Variants in KRTCAP3 observed in about 807,000 individuals in gnomAD.
KRTCAP3 encodes the protein keratinocyte-associated protein 3.
KRTCAP3 carries 18 observed loss-of-function variants against 20.5 expected under a neutral mutation model. The observed-to-expected ratio is 0.88, with a 90% CI of 0.61 to 1.31. The LOEUF (loss-of-function observed/expected upper bound fraction) is 1.31. Ranked by LOEUF, KRTCAP3 falls within the 50% of genes most tolerant of loss-of-function variation. The probability of loss-of-function intolerance (pLI) is 0.00; values close to 1 mark genes in which losing one functional copy is unlikely to be tolerated. For synonymous variants in KRTCAP3, 167 were observed against 133.7 expected (o/e 1.25, Z -1.72); for missense variants, 347 against 310.4 (o/e 1.12, Z -0.89).
rs1489940936 is a variant in KRTCAP3, at chr2:27,443,469, C to A, written c.552C>A (p.Cys184Ter). 6.2e-7 allele frequency: 1 copy of A among 1,614,078 alleles called. No individual in the cohort carries two copies. The highest frequency in any genetic ancestry group is 8.5e-7 in the Non-Finnish European group (1 of 1,179,950). Residue 184 changes from cysteine (C) to a stop codon, truncating the protein, a stop_gained, in exon 5 of 7, where the codon TGC becomes TGA. Coordinates refer to ENST00000288873, the MANE Select transcript of KRTCAP3 (RefSeq NM_173853.4). LOFTEE classifies it high-confidence loss of function. ...GGGAGGCTGCTCTATCTGGTTACTG[C>A]TGTGTGGCTGCACTCACTCTACGTG... ...SAGEAALSGYCCVAALTLRGV... is the reference protein window; with the variant it reads ...SAGEAALSGY
At chr2:27,445,723 T>A, downstream of KRTCAP3, 2 of 1,613,866 alleles carry the variant, frequency 1.2e-6, no homozygotes, top group Non-Finnish European at 1.7e-6. The surrounding 1 kb of genome is among the most constrained non-coding windows in gnomAD (Gnocchi z 4.4). Flanking sequence ...GGCCTTCCGG[T>A]TTTCCAACCC....
chr2:27,445,536 G>C (rs1033883604), downstream of KRTCAP3: 15 of 1,446,578 alleles, frequency 1.0e-5, no homozygotes, highest in African/African-American at 1.8e-4. This position sits in a 1 kb window ranked among gnomAD's most constrained non-coding sequence, Gnocchi z 4.4. Context: ...GGTTTGCTAA[G>C]CCCTCATCCT....
downstream of KRTCAP3, chr2:27,445,817 G>A (rs1377269135): frequency 1.2e-6 from 2 of 1,614,126 alleles, no homozygotes; most frequent in Admixed American, 3.3e-5. The surrounding 1 kb of genome is among the most constrained non-coding windows in gnomAD (Gnocchi z 4.4). Flanking sequence ...AGTGGTCAAG[G>A]CCATCTAGAG....
chr2:27,442,904 G>A lies in KRTCAP3; in HGVS notation c.273+3G>A, dbSNP rs777608994. On this transcript the variant is annotated splice_donor_region_variant and intron_variant, in intron 3 of 6. Transcript: ENST00000288873. Reference sequence around the variant, plus strand: ...GGAACCTTCTTCGCCCTCCACTGGTGAGAGGGACTTCCCTGGAGCTTTTAA... The same window carrying A: ...GGAACCTTCTTCGCCCTCCACTGGTAAGAGGGACTTCCCTGGAGCTTTTAA... The A allele has an allele frequency of 4.3e-6, 7 of 1,613,052 alleles. No individual in the cohort carries two copies. The highest frequency in any genetic ancestry group is 1.6e-4 in the Middle Eastern group (1 of 6,084).
rs1229445291 is a variant in KRTCAP3, at chr2:27,444,041, G to C, written c.708G>C (p.Gln236His). The part of the protein sequence containing the change: ...LDQNQEIRAS[Q>H]RSWV The stretch of plus-strand genomic sequence containing the variant: ...AAAATCAAGAAATCCGGGCATCACA[G>C]AGAAGTTGGGTTTAGGACAGGTAAT... The change falls in exon 6 of 7, where the codon CAG becomes CAC. Residue 236 changes from glutamine (Q) to histidine (H), a missense_variant. Transcript: ENST00000288873. 26 of 1,612,146 alleles carry C rather than the reference G, an allele frequency of 1.6e-5. No individual in the cohort carries two copies. Among genetic ancestry groups the C allele is most frequent in the Non-Finnish European group, 2.1e-5 (25 of 1,178,288 alleles).
chr2:27,446,229 A>G (rs369307448), downstream of KRTCAP3: 6 of 1,602,960 alleles, frequency 3.7e-6, no homozygotes, highest in Non-Finnish European at 2.6e-6. Flanking sequence ...ACTTCCTCCT[A>G]TCTGCCCCAC....
At chr2:27,443,812 G>T (rs1664771968) in intron 5 of KRTCAP3, 137 bp from the exon 6 acceptor site, 1 of 648,156 alleles carries the variant, frequency 1.5e-6, no homozygotes, top group South Asian at 1.9e-5. Flanking sequence ...GAAGGCGGAG[G>T]TTGCAGTGAA....
At chr2:27,444,317 G>T, downstream of KRTCAP3, 1 of 684,168 alleles carries the variant, frequency 1.5e-6, no homozygotes, top group Non-Finnish European at 2.5e-6. Flanking sequence ...GATTCCTTTT[G>T]GGGAAAAGGC....
downstream of KRTCAP3, chr2:27,445,295 C>T: frequency 6.2e-7 from 1 of 1,610,602 alleles, no homozygotes; most frequent in Non-Finnish European, 8.5e-7. This position sits in a 1 kb window ranked among gnomAD's most constrained non-coding sequence, Gnocchi z 4.4. Context: ...GGCTTCTATA[C>T]CTGTAATAAG....
chr2:27,442,661 C>G lies in KRTCAP3; in HGVS notation c.111C>G (p.Ala37=). 6.3e-7 allele frequency: 1 copy of G among 1,583,464 alleles called. No individual in the cohort carries two copies. Among genetic ancestry groups the G allele is most frequent in the Non-Finnish European group, 8.6e-7 (1 of 1,164,614 alleles). Residue 37 remains alanine, a synonymous_variant, in exon 2 of 7, where the codon GCC becomes GCG. Coordinates refer to ENST00000288873, the MANE Select transcript of KRTCAP3 (RefSeq NM_173853.4). ...LVGHVNLLLG[A]VLHGTVLRHV... is the part of the protein sequence containing the mutation. ...GCCACGTGAACCTGCTGCTGGGGGC[C>G]GTGCTGCATGGCACCGTCCTGCGGC...
At chr2:27,445,762 C>G (rs201237891), downstream of KRTCAP3, 6 of 1,614,152 alleles carry the variant, frequency 3.7e-6, no homozygotes, top group Non-Finnish European at 5.1e-6. The surrounding 1 kb of genome is among the most constrained non-coding windows in gnomAD (Gnocchi z 4.4). Flanking sequence ...TGCTGCTTAG[C>G]TGGGAGTGGC....
downstream of KRTCAP3, chr2:27,444,408 C>T: frequency 6.7e-7 from 1 of 1,497,310 alleles, no homozygotes; most frequent in Non-Finnish European, 9.3e-7. Context: ...GGGAGAGGCC[C>T]TAACTCTTCC....
At position 27,443,445 on chromosome 2, in the gene KRTCAP3, G is replaced by C; in HGVS notation, c.528G>C (p.Gly176=). The C allele has an allele frequency of 6.2e-7, 1 of 1,614,148 alleles. No individual in the cohort carries two copies. The highest frequency in any genetic ancestry group is 8.5e-7 in the Non-Finnish European group (1 of 1,180,020). The change falls in exon 5 of 7, where the codon GGG becomes GGC. Residue 176 remains glycine (G), a synonymous_variant. Transcript: ENST00000288873. ...LWIPSLLMSA[G]EAALSGYCCV... Reference sequence around the variant, plus strand: ...TCCCTTCTTTGCTCATGTCTGCAGGGGAGGCTGCTCTATCTGGTTACTGCT... The same window carrying C: ...TCCCTTCTTTGCTCATGTCTGCAGGCGAGGCTGCTCTATCTGGTTACTGCT...
downstream of KRTCAP3, chr2:27,444,511 C>T: frequency 6.2e-7 from 1 of 1,613,350 alleles, no homozygotes; most frequent in Non-Finnish European, 8.5e-7. Context: ...GCACACTGGG[C>T]TGTGGGAGGT....
At chr2:27,443,611 G>A in intron 5 of KRTCAP3, 79 bp downstream of exon 5, 1 of 1,490,668 alleles carries the variant, frequency 6.7e-7, no homozygotes, top group Admixed American at 1.7e-5. Context: ...GGGTGCGGAG[G>A]CTCACACCTG....
intron 3 of KRTCAP3, 52 bp from the exon 4 acceptor site, chr2:27,443,022 G>C: frequency 6.3e-7 from 1 of 1,576,698 alleles, no homozygotes; most frequent in Non-Finnish European, 8.7e-7. Context: ...TCTAGTCACT[G>C]GGAGAGTTAG....
chr2:27,444,423 C>T, downstream of KRTCAP3: 2 of 1,590,318 alleles, frequency 1.3e-6, no homozygotes, highest in Non-Finnish European at 1.7e-6. Context: ...TCTTCCTCAG[C>T]TCTACCAACT....
chr2:27,444,001 A>T lies in KRTCAP3; in HGVS notation c.668A>T (p.Glu223Val). 1 of 1,613,982 alleles carries T rather than the reference A, an allele frequency of 6.2e-7. No individual in the cohort carries two copies. The highest frequency in any genetic ancestry group is 1.6e-4 in the Middle Eastern group (1 of 6,062). Residue 223 changes from glutamate to valine, a missense_variant, in exon 6 of 7, where the codon GAG (glutamate) becomes GTG (valine). Transcript: ENST00000288873. ...ESPKCKRQEN[E>V]QLLDQNQEIR... ...CCTAAATGTAAAAGGCAGGAAAATG[A>T]GCAGCTACTGGATCAAAATCAAGAA...
Position 27,442,594 on chromosome 2 carries a change from C to A in KRTCAP3, c.44C>A (p.Pro15His). The change falls in exon 2 of 7, where the codon CCC (proline) becomes CAC (histidine). Residue 15 changes from proline (P) to histidine (H), a missense_variant. Pro to His is a moderately conservative substitution (Grantham distance 77). Coordinates refer to ENST00000288873, the MANE Select transcript of KRTCAP3 (RefSeq NM_173853.4). ...SLCAFDAARG[P>H]RRLMRVGLAL... ...TGCTTTGCAGACGCCGCCCGGGGGCCCAGGCGGCTGATGCGTGTGGGCCTC... is the reference window on the plus strand; with the variant it reads ...TGCTTTGCAGACGCCGCCCGGGGGCACAGGCGGCTGATGCGTGTGGGCCTC... The A allele has an allele frequency of 6.5e-7, 1 of 1,538,660 alleles. No individual in the cohort carries two copies. The highest frequency in any genetic ancestry group is 2.3e-5 in the East Asian group (1 of 43,450).
Sources: allele counts gnomAD v4.1 joint callset, GRCh38; gene constraint gnomAD v4.1.1; non-coding constraint Gnocchi (gnomAD v3.1); transcripts MANE v1.5; gene names NCBI Gene and HGNC (gene_info 2026-07-23, HGNC 2026-07-21).